The following TRIM9 variants were observed in gnomAD, a reference collection of about 807,000 sequenced individuals.
TRIM9 encodes tripartite motif containing 9.
A neutral mutation model predicts 78.3 loss-of-function variants in TRIM9; 26 were observed. The observed-to-expected ratio is 0.33, with a 90% CI of 0.24 to 0.46. The LOEUF (loss-of-function observed/expected upper bound fraction) is 0.46, where lower values mean the gene tolerates loss of function less well. TRIM9 is among the 20% of genes least tolerant of loss of function. The pLI, the probability that TRIM9 is intolerant of heterozygous loss-of-function variation, is 1.00. For synonymous variants in TRIM9, 398 were observed against 416.5 expected, an observed-to-expected ratio of 0.96 and a Z score of 0.54; for missense variants, 787 against 1,036.4, an observed-to-expected ratio of 0.76 and a Z score of 3.30.
chr14:51,086,085 TA>T (rs2063725502), intron 1 of TRIM9, among the ~76,000 whole-genome samples: 1 of 152,260 alleles, frequency 6.6e-6, no homozygotes, highest in African/African-American at 2.4e-5. Context: ...AATTTCTCAG[TA>T]ATTTTCATAT....
In TRIM9 at chr14:50,977,323, C is replaced by G; in HGVS notation, c.2356G>C (p.Asp786His). 2 of 1,547,318 alleles carry G rather than the reference C, an allele frequency of 1.3e-6. No homozygotes were observed. The highest frequency in any genetic ancestry group is 1.7e-4 in the Middle Eastern group (1 of 5,798). Residue 786 changes from aspartate to histidine, a missense_variant, in exon 13 of 13, where the codon GAC (aspartate) becomes CAC (histidine). Coordinates refer to ENST00000684578, the MANE Select transcript of TRIM9 (RefSeq NM_001387360.1). ...ATTGATGCTCTGCTGGAGTAGAAGT[C>G]GGGGACTGGGAGCCCGGTGTGCAGC... ...VTLHTGLPVP[D>H]FYSSRASIA
At chr14:51,020,423 A>G (rs1008784266) in intron 3 of TRIM9, among the ~76,000 whole-genome samples, 1 of 152,168 alleles carries the variant, frequency 6.6e-6, no homozygotes, top group Non-Finnish European at 1.5e-5. Flanking sequence ...CTTTGCTGCT[A>G]TGGGGGACAG....
At chr14:51,019,521 T>C (rs1199661677) in intron 3 of TRIM9, among the ~76,000 whole-genome samples, 1 of 152,200 alleles carries the variant, frequency 6.6e-6, no homozygotes, top group Non-Finnish European at 1.5e-5. Flanking sequence ...AATTATGAAC[T>C]CATGCCACTA....
At position 50,982,057 on chromosome 14, in the gene TRIM9, G is replaced by T; in HGVS notation, c.1905C>A (p.Ile635=). ...TCACTGTCAGGTTGTCATTGGAGAG[G>T]ATGATGTCCGAGTGCGCCGAGCCAG... ...FDPGSAHSDI[I]LSNDNLTVTC... Residue 635 remains isoleucine (I), a synonymous_variant, in exon 11 of 13, where the codon ATC becomes ATA. Transcript: ENST00000684578. The T allele has an allele frequency of 6.2e-7, 1 of 1,614,164 alleles. No homozygotes were observed.
intron 1 of TRIM9, among the ~76,000 whole-genome samples, chr14:51,077,956 C>G (rs2062953230): frequency 2.6e-5 from 4 of 152,210 alleles, no homozygotes; most frequent in Admixed American, 6.5e-5. Context: ...GTTATGCAAT[C>G]AAACTAGAAA....
At chr14:51,018,365 C>G (rs751413250) in intron 3 of TRIM9, among the ~76,000 whole-genome samples, 3 of 151,624 alleles carry the variant, frequency 2.0e-5, no homozygotes, top group Admixed American at 6.6e-5. Flanking sequence ...CTCCCTCCCC[C>G]CTTTCTTTCT....
Position 51,000,702 on chromosome 14 carries a change from C to T in TRIM9, c.1445G>A (p.Gly482Asp), listed in dbSNP as rs1425425296. 6.2e-7 allele frequency: 1 copy of T among 1,614,026 alleles called. No individual in the cohort carries two copies. Among genetic ancestry groups the T allele is most frequent in the African/African-American group, 1.3e-5 (1 of 74,936 alleles). The change falls in exon 6 of 13, where the codon GGC (glycine) becomes GAC (aspartate). Residue 482 changes from glycine (G) to aspartate (D), a missense_variant. Gly to Asp is a moderately conservative substitution (Grantham distance 94). Coordinates refer to ENST00000684578, the MANE Select transcript of TRIM9 (RefSeq NM_001387360.1). ...ADGYILELDDGNGGQFREVYV... is the reference protein window; with the variant it reads ...ADGYILELDDDNGGQFREVYV... ...ACTGACCCGGAATTGACCACCGTTG[C>T]CATCATCCAGCTCCAGAATGTATCC...
chr14:50,993,015 A>T (rs778776991), intron 7 of TRIM9, among the ~76,000 whole-genome samples: 11 of 152,184 alleles, frequency 7.2e-5, no homozygotes, highest in Non-Finnish European at 1.6e-4. Context: ...AGGGCTGGAA[A>T]GCTTCTGTGA....
At chr14:51,032,645 G>A (rs1294238571) in intron 1 of TRIM9, among the ~76,000 whole-genome samples, 1 of 152,198 alleles carries the variant, frequency 6.6e-6, no homozygotes, top group African/African-American at 2.4e-5. Flanking sequence ...TCTACCAAGA[G>A]CACACAACAA....
intron 5 of TRIM9, among the ~76,000 whole-genome samples, chr14:51,002,853 A>T (rs546085847): frequency 6.6e-6 from 1 of 152,376 alleles, no homozygotes; most frequent in South Asian, 2.1e-4. Context: ...TAGCTAAATC[A>T]AAATTAGTGC....
chr14:50,999,985 G>A (rs974106267), intron 6 of TRIM9, among the ~76,000 whole-genome samples: 1 of 152,216 alleles, frequency 6.6e-6, no homozygotes, highest in Non-Finnish European at 1.5e-5. Flanking sequence ...TCTCAATGGG[G>A]ATAGGGCTCC....
chr14:51,076,927 A>T (rs190605748), intron 1 of TRIM9, among the ~76,000 whole-genome samples: 3 of 152,204 alleles, frequency 2.0e-5, no homozygotes, highest in African/African-American at 4.8e-5. Flanking sequence ...ATACTGCCCA[A>T]TGCCATTTGG....
chr14:51,069,433 A>G (rs2062024462), intron 1 of TRIM9, among the ~76,000 whole-genome samples: 1 of 152,140 alleles, frequency 6.6e-6, no homozygotes, highest in South Asian at 2.1e-4. Context: ...CCAGGAATAC[A>G]GTTCAACATC....
intron 1 of TRIM9, among the ~76,000 whole-genome samples, chr14:51,026,154 G>A (rs2058213012): frequency 6.6e-6 from 1 of 152,196 alleles, no homozygotes; most frequent in Admixed American, 6.5e-5. Context: ...GTCTGAGAAA[G>A]CTTTTGCTTT....
intron 6 of TRIM9, 44 bp from the exon 7 acceptor site, chr14:50,998,232 T>C (rs757943213): frequency 6.3e-7 from 1 of 1,587,576 alleles, no homozygotes; most frequent in South Asian, 1.1e-5. Flanking sequence ...CCTGCCCCCT[T>C]CTGAGGGGCG....
At position 51,000,749 on chromosome 14, in the gene TRIM9, A is replaced by C. The variant is rs1200911288; in HGVS notation, c.1398T>G (p.Pro466=). The C allele has an allele frequency of 6.2e-7, 1 of 1,614,202 alleles. No individual in the cohort carries two copies. The highest frequency in any genetic ancestry group is 1.3e-5 in the African/African-American group (1 of 75,048). ...ATCCATCGGCGGGCACCGTGGACAG[A>C]GGTGGCTGTTTCCAGGACAACGTAG... is the stretch of plus-strand genomic sequence containing the variant. ...NSATLSWKQP[P]LSTVPADGYI... The change falls in exon 6 of 13, where the codon CCT becomes CCG. Residue 466 remains proline, a synonymous_variant. Transcript: ENST00000684578.
Position 51,094,326 on chromosome 14 carries a change from G to C in TRIM9, c.614C>G (p.Ala205Gly). The C allele has an allele frequency of 6.2e-7, 1 of 1,613,606 alleles. No homozygotes were observed. Among genetic ancestry groups the C allele is most frequent in the South Asian group, 1.1e-5 (1 of 91,070 alleles). The change falls in exon 1 of 13, where the codon GCC becomes GGC. Residue 205 changes from alanine to glycine, a missense_variant. Ala to Gly is a moderately conservative substitution (Grantham distance 60, BLOSUM62 0). Around this residue, in one of 3 missense-constraint regions of TRIM9, gnomAD observed 352 missense variants for 472.3 expected, o/e 0.75. Transcript: ENST00000684578. ...GGCCGGGGGCACCAGGCGGTGCTTG[G>C]CTAGGGGCCCCCGGGGCGGGTGGCA... ...LRCHPPRGPL[A>G]KHRLVPPAQG...
chr14:51,075,096 T>C (rs373493628), intron 1 of TRIM9, among the ~76,000 whole-genome samples: 24 of 152,314 alleles, frequency 1.6e-4, no homozygotes, highest in East Asian at 1.3e-3. Flanking sequence ...ACTGGGACCT[T>C]AGCTCTCATG....
intron 1 of TRIM9, among the ~76,000 whole-genome samples, chr14:51,071,506 A>G (rs1382385796): frequency 1.3e-5 from 2 of 152,138 alleles, no homozygotes; most frequent in Admixed American, 6.5e-5. Flanking sequence ...TGTGATAAAA[A>G]TTCTGAGCTG....
Sources: allele counts gnomAD v4.1 joint callset (sites outside exome capture counted in the v4.1 genomes callset), GRCh38; gene constraint gnomAD v4.1.1; regional missense constraint gnomAD v4.1.1; transcripts MANE v1.5; gene names NCBI Gene and HGNC (gene_info 2026-07-23, HGNC 2026-07-21).